The following ABHD5 variants were observed in gnomAD, a reference collection of about 807,000 sequenced individuals.
ABHD5 encodes abhydrolase domain containing 5, lysophosphatidic acid acyltransferase.
A neutral mutation model predicts 44.9 loss-of-function variants in ABHD5; 30 were observed. The observed-to-expected ratio is 0.67, with a 90% CI of 0.50 to 0.91. The LOEUF is 0.91. ABHD5 is among the 40% of genes least tolerant of loss of function. ABHD5 has a pLI of 0.00. For synonymous variants in ABHD5, 167 were observed against 147.0 expected (o/e 1.14, Z -0.99); for missense variants, 399 against 423.4 (o/e 0.94, Z 0.50).
chr3:43,705,093 T>G (rs918540960), intron 3 of ABHD5, among the ~76,000 whole-genome samples: 1 of 152,216 alleles, frequency 6.6e-6, no homozygotes, highest in South Asian at 2.1e-4. Context: ...GGTTGGCACA[T>G]AGTGGCTGCC....
At chr3:43,701,617 C>T (rs753884931) in intron 2 of ABHD5, among the ~76,000 whole-genome samples, 1 of 152,040 alleles carries the variant, frequency 6.6e-6, no homozygotes, top group East Asian at 1.9e-4. Flanking sequence ...AGAGTTGGAC[C>T]CAAGTTACCT....
chr3:43,712,020 G>A (rs897266233), intron 4 of ABHD5, among the ~76,000 whole-genome samples, 157 bp downstream of exon 4: 1 of 152,170 alleles, frequency 6.6e-6, no homozygotes, highest in Non-Finnish European at 1.5e-5. Context: ...GCACAAAGAC[G>A]AATGCAACTA....
At chr3:43,692,839 T>C (rs2084416061) in intron 1 of ABHD5, among the ~76,000 whole-genome samples, 1 of 152,186 alleles carries the variant, frequency 6.6e-6, no homozygotes, top group Admixed American at 6.6e-5. Flanking sequence ...TTGGGACTCA[T>C]GTGGGATGTT....
At chr3:43,696,224 A>G (rs2084472871) in intron 1 of ABHD5, among the ~76,000 whole-genome samples, 1 of 152,198 alleles carries the variant, frequency 6.6e-6, no homozygotes, top group Non-Finnish European at 1.5e-5. Flanking sequence ...GTGATGGATG[A>G]TAGTGTTTAT....
chr3:43,691,075 G>GGC, intron 1 of ABHD5, 36 bp downstream of exon 1: 1 of 1,515,074 alleles, frequency 6.6e-7, no homozygotes, highest in Non-Finnish European at 8.9e-7. Context: ...GTGTGTCTCC[G>GGC]GCGCGCACCC....
At chr3:43,730,328 A>T (rs1420239760) in intron 7 of ABHD5, among the ~76,000 whole-genome samples, 1 of 152,134 alleles carries the variant, frequency 6.6e-6, no homozygotes, top group Non-Finnish European at 1.5e-5. Flanking sequence ...ATACCTGGAG[A>T]AGTAATCTGG....
At chr3:43,711,065 G>A (rs1264224765) in intron 3 of ABHD5, among the ~76,000 whole-genome samples, 5 of 152,212 alleles carry the variant, frequency 3.3e-5, no homozygotes, top group Non-Finnish European at 5.9e-5. Flanking sequence ...TCTAATGTCA[G>A]TATAGCGTGA....
chr3:43,702,713 AC>A, intron 3 of ABHD5, 126 bp downstream of exon 3: 1 of 1,320,552 alleles, frequency 7.6e-7, no homozygotes, highest in Non-Finnish European at 1.1e-6. Flanking sequence ...GACCCTATAG[AC>A]CACACCACAA....
chr3:43,725,789 A>G (rs1353491852), downstream of ABHD5, among the ~76,000 whole-genome samples: 1 of 152,008 alleles, frequency 6.6e-6, no homozygotes, highest in Non-Finnish European at 1.5e-5. Flanking sequence ...TATTAGTCAC[A>G]ATGACCAGGG....
chr3:43,714,528 T>G (rs1429414902), intron 4 of ABHD5, among the ~76,000 whole-genome samples: 20 of 152,190 alleles, frequency 1.3e-4, no homozygotes, highest in Admixed American at 1.0e-3. Context: ...TGAATTTATT[T>G]TCACACAGAA....
chr3:43,707,491 A>C (rs17320869), intron 3 of ABHD5, among the ~76,000 whole-genome samples: 5,847 of 152,186 alleles, frequency 0.038, 158 homozygotes, highest in Non-Finnish European at 0.057. Flanking sequence ...TTCTCTCACC[A>C]ATGGCTTGGA....
At chr3:43,724,024 A>G (rs1048679917), downstream of ABHD5, among the ~76,000 whole-genome samples, 2 of 152,226 alleles carry the variant, frequency 1.3e-5, no homozygotes, top group Admixed American at 6.5e-5. Flanking sequence ...AGAAAAAGTC[A>G]GTTGTCAGAA....
rs756696438 is a variant in ABHD5 at position 43,699,381 on chromosome 3, A to G, written c.133+20A>G. ...TAAAATGTAAGGCTTTCTTCTTGTA[A>G]GTTAAATGAGCTGTGTACTAAGATA... On this transcript the variant is annotated intron_variant, in intron 2 of 6. Transcript: ENST00000644371. 4.3e-5 allele frequency: 68 copies of G among 1,591,246 alleles called. No individual in the cohort carries two copies. In the East Asian group the frequency reaches 1.5e-3, roughly 35 times the overall value.
At chr3:43,711,392 A>G (rs2084686761) in intron 3 of ABHD5, among the ~76,000 whole-genome samples, 2 of 152,200 alleles carry the variant, frequency 1.3e-5, no homozygotes, top group South Asian at 4.1e-4. Flanking sequence ...CATCTGCCAG[A>G]GTGTAACTTA....
At chr3:43,701,405 T>C (rs2084540366) in intron 2 of ABHD5, among the ~76,000 whole-genome samples, 1 of 152,248 alleles carries the variant, frequency 6.6e-6, no homozygotes, top group South Asian at 2.1e-4. Flanking sequence ...TTGTTTACTG[T>C]ATATGAATAT....
In ABHD5 at chr3:43,718,635, A is replaced by AGG; in HGVS notation, c.*104_*105insGG. 5 of 1,137,120 alleles carry AGG rather than the reference A, an allele frequency of 4.4e-6. No homozygotes were observed. The allele number at this position is 1,137,120 out of a possible 1,614,324, so 70.4% of individuals were successfully genotyped here. A position where few individuals can be genotyped will look rare whatever the true frequency, so the allele number is the denominator to read the frequency against. ...TAGTGAATACAACACACAACCAGGC[A>AGG]GCCTTCTTGACTATACTTTGCACAT... is the stretch of plus-strand genomic sequence containing the variant. On this transcript the variant is annotated 3_prime_UTR_variant, in exon 7 of 7. Coordinates refer to ENST00000644371, the MANE Select transcript of ABHD5 (RefSeq NM_016006.6).
intron 5 of ABHD5, among the ~76,000 whole-genome samples, chr3:43,716,939 G>A (rs1298486923): frequency 2.0e-5 from 3 of 152,148 alleles, no homozygotes; most frequent in African/African-American, 4.8e-5. Context: ...TTGGGAGGCC[G>A]AGGCGGGCAG....
chr3:43,691,235 C>A, intron 1 of ABHD5, 196 bp downstream of exon 1: 1 of 466,358 alleles, frequency 2.1e-6, no homozygotes, highest in Non-Finnish European at 3.5e-6. Context: ...AGAGGCTCCC[C>A]TCAGCGTCGG....
rs2084849767 is a variant in ABHD5 at position 43,722,573 on chromosome 3, A to G, written c.*4041A>G. On this transcript the variant is annotated 3_prime_UTR_variant, in exon 7 of 7. Transcript: ENST00000644371. ...AACATTTTTTGAAAAGGCAACTCTT[A>G]AAACTAAAACAAACTTAACAGTCTG... 2 of 152,240 alleles carry G rather than the reference A, an allele frequency of 1.3e-5. No homozygotes were observed. The highest frequency in any genetic ancestry group is 4.1e-4 in the South Asian group (2 of 4,834). 9.4% of individuals were successfully genotyped at this position (152,240 alleles called of 1,614,324 possible). A position where few individuals can be genotyped will look rare whatever the true frequency, so the allele number is the denominator to read the frequency against.
Sources: gnomAD v4.1 joint callset for allele counts (sites outside exome capture counted in the v4.1 genomes callset) on GRCh38, gnomAD v4.1.1 for gene constraint, MANE v1.5 for transcripts, NCBI Gene and HGNC (gene_info 2026-07-23, HGNC 2026-07-21) for gene names.